The following DHRS7C variants were observed in gnomAD, a reference collection of about 807,000 sequenced individuals.
DHRS7C encodes dehydrogenase/reductase 7C, also known as dehydrogenase/reductase SDR family member 7C.
Under a neutral mutation model 29.6 loss-of-function variants are expected in DHRS7C, and 28 were observed. The ratio of observed to expected loss-of-function variants is 0.95; its 90% CI spans 0.70 to 1.30. DHRS7C has a LOEUF of 1.30. Ranked by LOEUF, DHRS7C falls within the 50% of genes most tolerant of loss-of-function variation. The pLI is 0.00. For missense variants in DHRS7C, 403 were observed against 393.3 expected, an observed-to-expected ratio of 1.02 and a Z score of -0.21; for synonymous variants, 158 against 160.2, an observed-to-expected ratio of 0.99 and a Z score of 0.10.
At position 9,775,687 on chromosome 17, in the gene DHRS7C, C is replaced by T. The variant is rs866579497; in HGVS notation, c.571+1506G>A. On this transcript the variant is annotated intron_variant, in intron 4 of 5. Coordinates refer to ENST00000571134, the MANE Select transcript of DHRS7C (RefSeq NM_001105571.3). The surrounding 1 kb of genome is among the most constrained non-coding windows in gnomAD (Gnocchi z 4.2). ...CATCACAGGCTCACAGCACCACAGG[C>T]CTAAACTAACTAAGGCATATGGAAA... Among the ~76,000 whole-genome samples the T allele has an allele frequency of 1.4e-4, 22 of 152,168 alleles. No homozygotes were observed. Among genetic ancestry groups the T allele is most frequent in the Middle Eastern group, 3.4e-3 (1 of 294 alleles).
In DHRS7C at chr17:9,774,711, G is replaced by A. The variant is rs888917650; in HGVS notation, c.572-1789C>T. On this transcript the variant is annotated intron_variant, in intron 4 of 5. Transcript: ENST00000571134. The surrounding 1 kb of genome is among the most constrained non-coding windows in gnomAD (Gnocchi z 5.0). ...TCAGAGCCCCCATCTCCTTGCCTGG[G>A]TGGATGGTAAGGGAACTGTGCTGGG... 1.3e-5 allele frequency among the ~76,000 whole-genome samples: 2 copies of A among 152,210 alleles called. No homozygotes were observed. The highest frequency in any genetic ancestry group is 2.9e-5 in the Non-Finnish European group (2 of 68,040).
At chr17:9,787,006 C>T (rs2066427703) in intron 1 of DHRS7C, among the ~76,000 whole-genome samples, 1 of 151,982 alleles carries the variant, frequency 6.6e-6, no homozygotes, top group African/African-American at 2.4e-5. Context: ...AGTGCAGTGG[C>T]GTGATCTCAG....
chr17:9,783,873 G>A (rs1157767952), intron 1 of DHRS7C, among the ~76,000 whole-genome samples: 1 of 151,872 alleles, frequency 6.6e-6, no homozygotes, highest in Non-Finnish European at 1.5e-5. Flanking sequence ...CTCAGGAGAT[G>A]GAGACTGCAG....
At chr17:9,788,246 A>G (rs886415260) in intron 1 of DHRS7C, among the ~76,000 whole-genome samples, 6 of 151,534 alleles carry the variant, frequency 4.0e-5, no homozygotes, top group African/African-American at 1.5e-4. Flanking sequence ...TCACTCTGCC[A>G]CCCAGGCTGG....
At chr17:9,771,729 A>C in intron 5 of DHRS7C, 33 bp from the exon 6 acceptor site, 1 of 1,389,070 alleles carries the variant, frequency 7.2e-7, no homozygotes, top group Non-Finnish European at 9.4e-7. Flanking sequence ...GGGGGTTATG[A>C]CCTCCGTGGG....
chr17:9,775,786 T>A lies in DHRS7C; in HGVS notation c.571+1407A>T, dbSNP rs1433844052. ...TATCAGCCTCCGAAAATTTATATGC[T>A]GAAACCCAATACCCAGTACTCAGAA... is the stretch of plus-strand genomic sequence containing the variant. On this transcript the variant is annotated intron_variant, in intron 4 of 5. Transcript: ENST00000571134. This position sits in a 1 kb window ranked among gnomAD's most constrained non-coding sequence, Gnocchi z 4.2. 1.3e-5 allele frequency among the ~76,000 whole-genome samples: 2 copies of A among 152,164 alleles called. No homozygotes were observed. Among genetic ancestry groups the A allele is most frequent in the Non-Finnish European group, 2.9e-5 (2 of 68,026 alleles).
intron 1 of DHRS7C, among the ~76,000 whole-genome samples, chr17:9,787,287 C>A (rs750380971): frequency 6.6e-6 from 1 of 152,190 alleles, no homozygotes; most frequent in Non-Finnish European, 1.5e-5. Context: ...AGGTGAGGGG[C>A]CTGTGAGCAG....
Position 9,771,604 on chromosome 17 carries a change from T to A in DHRS7C, c.820A>T (p.Met274Leu), listed in dbSNP as rs756361974. The A allele has an allele frequency of 6.2e-7, 1 of 1,600,664 alleles. No individual in the cohort carries two copies. The highest frequency in any genetic ancestry group is 8.5e-7 in the Non-Finnish European group (1 of 1,172,950). The change falls in exon 6 of 6, where the codon ATG becomes TTG. Residue 274 changes from methionine to leucine, a missense_variant. By Grantham distance (15) the Met-to-Leu change is conservative (BLOSUM62 2). Transcript: ENST00000571134. ...GCGGCCTTGGGGATGGGGTTGGCCA[T>A]AAACACCTCTTGCTTCTTCCTCCGC... ...TVRRKKQEVF[M>L]ANPIPKAAVY...
chr17:9,785,516 C>T (rs2066418373), intron 1 of DHRS7C, among the ~76,000 whole-genome samples: 2 of 152,136 alleles, frequency 1.3e-5, no homozygotes, highest in Non-Finnish European at 2.9e-5. Flanking sequence ...GTTGAGAGCT[C>T]GTCTGAAGAC....
intron 1 of DHRS7C, among the ~76,000 whole-genome samples, chr17:9,789,457 T>G (rs144709162): frequency 1.0e-3 from 153 of 152,276 alleles, no homozygotes; most frequent in South Asian, 6.0e-3. Flanking sequence ...AACCAAGCAT[T>G]GAGCTAGGTG....
At chr17:9,783,627 A>G (rs1052479429) in intron 1 of DHRS7C, among the ~76,000 whole-genome samples, 3 of 152,208 alleles carry the variant, frequency 2.0e-5, no homozygotes, top group Non-Finnish European at 2.9e-5. Flanking sequence ...AATTTAGTGT[A>G]TGATAAAGTT....
At chr17:9,782,823 A>C (rs370055848) in intron 1 of DHRS7C, 17 of 152,462 alleles carry the variant, frequency 1.1e-4, no homozygotes, top group Admixed American at 9.8e-4. Flanking sequence ...GGGAACACGG[A>C]AGGACAGCCT....
chr17:9,773,025 C>T (rs534562924), intron 4 of DHRS7C, 103 bp from the exon 5 acceptor site: 199 of 1,396,924 alleles, frequency 1.4e-4, no homozygotes, highest in South Asian at 6.3e-4. Context: ...TTCCTACAGG[C>T]GCAGAGCTGG....
chr17:9,781,648 C>T (rs910490375), intron 1 of DHRS7C, 54 bp from the exon 2 acceptor site: 4 of 1,556,196 alleles, frequency 2.6e-6, no homozygotes, highest in African/African-American at 2.7e-5. Flanking sequence ...GAGCCACTGA[C>T]AGTGAACCCC....
At position 9,775,590 on chromosome 17, in the gene DHRS7C, G is replaced by A. The variant is rs2066357618; in HGVS notation, c.571+1603C>T. The stretch of plus-strand genomic sequence containing the variant: ...CCCTGGGCCCCTCAGTGACCCTGTG[G>A]CATGGTGGCATCTGCTTGCCTGAGC... On this transcript the variant is annotated intron_variant, in intron 4 of 5. Transcript: ENST00000571134. This position sits in a 1 kb window ranked among gnomAD's most constrained non-coding sequence, Gnocchi z 4.2. Among the ~76,000 whole-genome samples, 1 of 152,162 alleles carries A rather than the reference G, an allele frequency of 6.6e-6. No homozygotes were observed. Among genetic ancestry groups the A allele is most frequent in the Non-Finnish European group, 1.5e-5 (1 of 68,048 alleles).
chr17:9,786,007 C>T (rs1361656585), intron 1 of DHRS7C, among the ~76,000 whole-genome samples: 4 of 151,848 alleles, frequency 2.6e-5, no homozygotes, highest in South Asian at 2.1e-4. Context: ...CCCACCGTGA[C>T]GGAAGGATTT....
chr17:9,771,732 T>C, intron 5 of DHRS7C, 36 bp from the exon 6 acceptor site: 1 of 1,386,962 alleles, frequency 7.2e-7, no homozygotes, highest in South Asian at 1.7e-5. Context: ...GGTTATGACC[T>C]CCGTGGGGAC....
At chr17:9,788,323 C>T (rs978427978) in intron 1 of DHRS7C, among the ~76,000 whole-genome samples, 1 of 152,212 alleles carries the variant, frequency 6.6e-6, no homozygotes, top group Non-Finnish European at 1.5e-5. Flanking sequence ...CCTCCTGCCT[C>T]AGCCTCCCAA....
chr17:9,786,365 A>T (rs1302964523), intron 1 of DHRS7C, among the ~76,000 whole-genome samples: 2 of 141,618 alleles, frequency 1.4e-5, no homozygotes, highest in African/African-American at 5.2e-5. Flanking sequence ...TAATAATAAT[A>T]ATTAATCAGA....
Sources: gnomAD v4.1 joint callset for allele counts (sites outside exome capture counted in the v4.1 genomes callset) on GRCh38, gnomAD v4.1.1 for gene constraint, Gnocchi (gnomAD v3.1) non-coding constraint, MANE v1.5 for transcripts, NCBI Gene and HGNC (gene_info 2026-07-23, HGNC 2026-07-21) for gene names.